Variants in APOOL observed in about 807,000 individuals in gnomAD.
APOOL encodes apolipoprotein O like, also known as MICOS complex subunit MIC27.
APOOL carries 12 observed loss-of-function variants against 23.1 expected under a neutral mutation model. That is an observed-to-expected ratio of 0.52 (90% CI 0.33 to 0.84). The LOEUF (loss-of-function observed/expected upper bound fraction) is 0.84. Ranked by LOEUF, APOOL falls within the 40% of genes least tolerant of loss-of-function variation. The pLI is 0.02. For synonymous variants in APOOL, 77 were observed against 69.9 expected, an observed-to-expected ratio of 1.10 and a Z score of -0.51; for missense variants, 212 against 199.6, an observed-to-expected ratio of 1.06 and a Z score of -0.37.
intron 1 of APOOL, among the ~76,000 whole-genome samples, chrX:85,023,479 A>G (rs1390510177): frequency 1.8e-5 from 2 of 111,723 alleles, no homozygotes; most frequent in Non-Finnish European, 3.8e-5. Context: ...TGTCCGTACT[A>G]CCCAAAACAG....
At chrX:85,068,506 A>G (rs1331365885) in intron 6 of APOOL, among the ~76,000 whole-genome samples, 2 of 106,228 alleles carry the variant, frequency 1.9e-5, no homozygotes, top group African/African-American at 6.9e-5. Flanking sequence ...CCTGGGTTCA[A>G]GTGATTCTCC....
chrX:85,054,081 TC>T (rs1295753885), intron 3 of APOOL, among the ~76,000 whole-genome samples: 1 of 111,930 alleles, frequency 8.9e-6, no homozygotes, highest in Admixed American at 9.6e-5. Context: ...AATATTTTTT[TC>T]AGTATCATTT....
At chrX:85,023,850 G>A (rs778816202) in intron 1 of APOOL, among the ~76,000 whole-genome samples, 27 of 111,803 alleles carry the variant, frequency 2.4e-4, no homozygotes, top group Non-Finnish European at 3.8e-4. Context: ...AAAACTTCCC[G>A]TTTATTTGCA....
chrX:85,063,351 TA>T (rs935461332), intron 5 of APOOL, among the ~76,000 whole-genome samples: 18 of 111,443 alleles, frequency 1.6e-4, no homozygotes, highest in African/African-American at 4.6e-4. Context: ...CAATACCCTT[TA>T]TTTTTTTTAT....
chrX:85,064,868 T>C (rs1281702854), intron 5 of APOOL, among the ~76,000 whole-genome samples: 1 of 110,880 alleles, frequency 9.0e-6, no homozygotes, highest in Non-Finnish European at 1.9e-5. Context: ...TTTGGAGGGG[T>C]GGAGAGTTCT....
At chrX:85,004,819 A>C (rs975410383) in intron 1 of APOOL, among the ~76,000 whole-genome samples, 2 of 111,134 alleles carry the variant, frequency 1.8e-5, no homozygotes, top group Middle Eastern at 8.4e-3. Flanking sequence ...GCATTTAAAA[A>C]ATTTTATGGG....
At chrX:85,077,300 C>A (rs1923895934) in intron 8 of APOOL, among the ~76,000 whole-genome samples, 1 of 106,198 alleles carries the variant, frequency 9.4e-6, no homozygotes, top group African/African-American at 3.4e-5. Context: ...ATGTTCCCCA[C>A]CCTGTGTACA....
intron 1 of APOOL, among the ~76,000 whole-genome samples, chrX:85,013,185 C>G (rs1013769439): frequency 9.0e-6 from 1 of 111,640 alleles, no homozygotes; most frequent in Admixed American, 9.5e-5. Context: ...TGTAATATCT[C>G]CCTTTTCATT....
Position 85,061,551 on chromosome X carries a change from A to C in APOOL, c.395-5576A>C, listed in dbSNP as rs765015568. On this transcript the variant is annotated intron_variant, in intron 5 of 8. Coordinates refer to ENST00000373173, the MANE Select transcript of APOOL (RefSeq NM_198450.6). ...TGGTAGGCTATTGATTATTGCCTCA[A>C]TTTCAGAGCCTATTATTGGTCTATT... Among the ~76,000 whole-genome samples, 5 of 112,111 alleles carry C rather than the reference A, an allele frequency of 4.5e-5. No individual in the cohort carries two copies. The East Asian group carries it at 1.4e-3, about 31-fold the overall frequency.
chrX:85,043,425 G>A (rs868693698), intron 1 of APOOL, among the ~76,000 whole-genome samples: 4 of 71,373 alleles, frequency 5.6e-5, no homozygotes, highest in Admixed American at 4.6e-4. Context: ...TTTTTTTTTT[G>A]TAAATGGCCA....
chrX:85,086,990 C>T (rs1336051667), intron 8 of APOOL, among the ~76,000 whole-genome samples: 1 of 111,261 alleles, frequency 9.0e-6, no homozygotes, highest in African/African-American at 3.3e-5. Context: ...TGAGCCACCG[C>T]GCCCGGCCGA....
At chrX:85,006,389 G>A (rs1011526006) in intron 1 of APOOL, among the ~76,000 whole-genome samples, 2 of 111,097 alleles carry the variant, frequency 1.8e-5, no homozygotes, top group Admixed American at 1.9e-4. Context: ...CAACCACTAA[G>A]TGGAAGAACT....
intron 8 of APOOL, among the ~76,000 whole-genome samples, chrX:85,078,244 T>G (rs1158833613): frequency 8.9e-6 from 1 of 112,265 alleles, no homozygotes; most frequent in African/African-American, 3.2e-5. Context: ...AAGTCTTTAA[T>G]CCATCTTGAA....
chrX:85,075,117 G>C (rs1197601866), intron 8 of APOOL, among the ~76,000 whole-genome samples: 1 of 110,355 alleles, frequency 9.1e-6, no homozygotes. Flanking sequence ...TATAAAACCC[G>C]CTAAGTTGTC....
At chrX:85,005,260 C>T (rs1179100052) in intron 1 of APOOL, among the ~76,000 whole-genome samples, 2 of 110,761 alleles carry the variant, frequency 1.8e-5, no homozygotes, top group Non-Finnish European at 3.8e-5. Context: ...TCTCCTGCCT[C>T]AGTCTCCTGA....
In APOOL at chrX:85,074,266, G is replaced by A; in HGVS notation, c.601-8G>A. Reference sequence around the variant, plus strand: ...TACTTATGAAGGAAAAATCTGTTTGGTAAACAGCTAGGATCCTCTTCCGAA... The same window carrying A: ...TACTTATGAAGGAAAAATCTGTTTGATAAACAGCTAGGATCCTCTTCCGAA... On this transcript the variant is annotated splice_polypyrimidine_tract_variant and splice_region_variant and intron_variant, in intron 7 of 8. Transcript: ENST00000373173. 8.3e-7 allele frequency: 1 copy of A among 1,209,824 alleles called. No individual in the cohort carries two copies. Among genetic ancestry groups the A allele is most frequent in the Admixed American group, 2.2e-5 (1 of 45,691 alleles).
Position 85,092,567 on chromosome X carries a change from TAA to T in APOOL, c.*4893_*4894del. On this transcript the variant is annotated 3_prime_UTR_variant, in exon 9 of 9. Transcript: ENST00000373173. ...CATTGAGTTGTGATGGCTATCTGTTTAAAAACAAACAAGCAAATATTACTTTC... is the reference window on the plus strand; with the variant it reads ...CATTGAGTTGTGATGGCTATCTGTTTAAACAAACAAGCAAATATTACTTTC... 8.4e-7 allele frequency: 1 copy of T among 1,194,762 alleles called. No homozygotes were observed. The highest frequency in any genetic ancestry group is 1.1e-6 in the Non-Finnish European group (1 of 885,579).
At chrX:85,038,870 T>G (rs1922314571) in intron 1 of APOOL, among the ~76,000 whole-genome samples, 1 of 110,434 alleles carries the variant, frequency 9.1e-6, no homozygotes, top group Admixed American at 9.7e-5. Context: ...TTTTTTTATC[T>G]TTTGTGTCGT....
intron 2 of APOOL, 31 bp downstream of exon 2, chrX:85,046,581 G>A (rs1922584027): frequency 1.9e-6 from 2 of 1,067,714 alleles, no homozygotes; most frequent in Non-Finnish European, 2.6e-6. Context: ...TATGAACTTT[G>A]TATAATATCA....
Sources: gnomAD v4.1 joint callset for allele counts (sites outside exome capture counted in the v4.1 genomes callset) on GRCh38, gnomAD v4.1.1 for gene constraint, MANE v1.5 for transcripts, NCBI Gene and HGNC (gene_info 2026-07-23, HGNC 2026-07-21) for gene names.